The following EPHA5 variants were observed in gnomAD, a reference collection of about 807,000 sequenced individuals.
EPHA5 encodes the protein EPH receptor A5, also known as ephrin type-A receptor 5.
In EPHA5, 60 loss-of-function variants were observed where a neutral mutation model predicts 105.0. That is an observed-to-expected ratio of 0.57 (90% CI 0.46 to 0.71). EPHA5 has a LOEUF of 0.71. EPHA5 is among the 30% of genes least tolerant of loss of function. The pLI is 0.00. For missense variants in EPHA5, 1,218 were observed against 1,274.7 expected, an observed-to-expected ratio of 0.96 and a Z score of 0.68; for synonymous variants, 513 against 449.1, an observed-to-expected ratio of 1.14 and a Z score of -1.80.
intron 2 of EPHA5, among the ~76,000 whole-genome samples, chr4:65,620,513 A>G (rs1157860064): frequency 6.6e-6 from 1 of 152,182 alleles, no homozygotes; most frequent in Non-Finnish European, 1.5e-5. Flanking sequence ...GGGGAAATAT[A>G]CATATACATA....
intron 4 of EPHA5, 69 bp downstream of exon 4, chr4:65,495,319 G>C: frequency 6.8e-7 from 1 of 1,472,710 alleles, no homozygotes; most frequent in East Asian, 2.3e-5. Context: ...GACTATAACA[G>C]GCTCCATCAT....
At chr4:65,536,754 A>T (rs1736329114) in intron 3 of EPHA5, among the ~76,000 whole-genome samples, 1 of 151,638 alleles carries the variant, frequency 6.6e-6, no homozygotes, top group Non-Finnish European at 1.5e-5. Flanking sequence ...AAATATAAAA[A>T]AAAAAAAATT....
In EPHA5 at chr4:65,511,598, G is replaced by A. The variant is rs548702701; in HGVS notation, c.911-16055C>T. On this transcript the variant is annotated intron_variant, in intron 3 of 16. Coordinates refer to ENST00000613740, the MANE Select transcript of EPHA5 (RefSeq NM_001281766.3). Reference sequence around the variant, plus strand: ...TTTGACACTCTGAATCCTTTAATATGTGTTTACTCTATAACCCCAATTCTA... The same window carrying A: ...TTTGACACTCTGAATCCTTTAATATATGTTTACTCTATAACCCCAATTCTA... Among the ~76,000 whole-genome samples the A allele has an allele frequency of 8.1e-4, 123 of 152,212 alleles. 1 individual carries two copies. Among genetic ancestry groups the A allele is most frequent in the African/African-American group, 2.6e-3 (110 of 41,556 alleles).
At chr4:65,409,369 A>G (rs977037878) in intron 7 of EPHA5, among the ~76,000 whole-genome samples, 1 of 150,212 alleles carries the variant, frequency 6.7e-6, no homozygotes, top group African/African-American at 2.4e-5. Flanking sequence ...AAATAAATAA[A>G]TAAAAGAGCT....
At position 65,429,139 on chromosome 4, in the gene EPHA5, A is replaced by G. The variant is rs189385890; in HGVS notation, c.1403-8574T>C. ...AACCACAATCCCCATTTTACAAGAA[A>G]CAGAATTCAAATAATTTTTACAGTA... is the stretch of plus-strand genomic sequence containing the variant. On this transcript the variant is annotated intron_variant, in intron 5 of 16. Transcript: ENST00000613740. 3.0e-4 allele frequency among the ~76,000 whole-genome samples: 45 copies of G among 152,176 alleles called. No individual in the cohort carries two copies. The East Asian group carries it at 7.3e-3, about 25-fold the overall frequency.
At chr4:65,592,013 C>T (rs1388347493) in intron 3 of EPHA5, among the ~76,000 whole-genome samples, 1 of 152,040 alleles carries the variant, frequency 6.6e-6, no homozygotes, top group African/African-American at 2.4e-5. Flanking sequence ...TATCAGTCCA[C>T]AGTAATTTTT....
chr4:65,540,652 T>A (rs1736729327), intron 3 of EPHA5, among the ~76,000 whole-genome samples: 1 of 151,408 alleles, frequency 6.6e-6, no homozygotes, highest in African/African-American at 2.4e-5. Context: ...CAAACAATTA[T>A]TAAAATACTG....
At chr4:65,343,953 C>T (rs950605802) in intron 14 of EPHA5, among the ~76,000 whole-genome samples, 73 of 151,676 alleles carry the variant, frequency 4.8e-4, no homozygotes, top group African/African-American at 1.6e-3. Context: ...AGTATCAAGA[C>T]ACTCAAATAG....
intron 2 of EPHA5, among the ~76,000 whole-genome samples, chr4:65,643,040 A>G (rs1747804435): frequency 6.6e-6 from 1 of 152,030 alleles, no homozygotes; most frequent in Admixed American, 6.6e-5. Flanking sequence ...AAATACTTTT[A>G]TCTTTAATAT....
intron 3 of EPHA5, among the ~76,000 whole-genome samples, chr4:65,515,484 A>C (rs573343972): frequency 6.6e-6 from 1 of 152,094 alleles, no homozygotes; most frequent in South Asian, 2.1e-4. Flanking sequence ...AAGATACATG[A>C]CTCCTCTATT....
At chr4:65,355,679 C>G (rs1460407061) in intron 11 of EPHA5, among the ~76,000 whole-genome samples, 6 of 151,578 alleles carry the variant, frequency 4.0e-5, no homozygotes, top group Admixed American at 2.6e-4. Flanking sequence ...GCTGAGGTAT[C>G]CTGGATCACC....
chr4:65,620,964 G>T (rs993444779), intron 2 of EPHA5, among the ~76,000 whole-genome samples: 1 of 152,132 alleles, frequency 6.6e-6, no homozygotes, highest in African/African-American at 2.4e-5. Context: ...ATTCAGAGTT[G>T]CATGCTTCAA....
chr4:65,526,617 G>T (rs879488410), intron 3 of EPHA5, among the ~76,000 whole-genome samples: 3 of 151,818 alleles, frequency 2.0e-5, no homozygotes, highest in Admixed American at 2.0e-4. Context: ...AATTTCCATT[G>T]TTTGTTATAG....
intron 5 of EPHA5, among the ~76,000 whole-genome samples, chr4:65,427,709 A>G (rs561747302): frequency 6.6e-6 from 1 of 152,334 alleles, no homozygotes; most frequent in African/African-American, 2.4e-5. Flanking sequence ...CCAGAGAAAC[A>G]TGGGAAATTA....
intron 3 of EPHA5, among the ~76,000 whole-genome samples, chr4:65,554,773 A>G (rs1036326440): frequency 5.9e-5 from 9 of 151,786 alleles, no homozygotes; most frequent in African/African-American, 2.2e-4. Flanking sequence ...TATTTTTCAT[A>G]AAGTAAATAT....
intron 5 of EPHA5, among the ~76,000 whole-genome samples, chr4:65,487,997 G>A (rs1365204620): frequency 6.6e-6 from 1 of 152,158 alleles, no homozygotes; most frequent in Non-Finnish European, 1.5e-5. Context: ...TTATTTTGAT[G>A]TTTTGGGTAG....
intron 7 of EPHA5, among the ~76,000 whole-genome samples, chr4:65,412,484 A>G (rs1378917779): frequency 1.3e-5 from 2 of 152,166 alleles, no homozygotes; most frequent in Non-Finnish European, 2.9e-5. Flanking sequence ...GATACTCTCT[A>G]CAAATAATAC....
chr4:65,620,300 G>C (rs949527074), intron 2 of EPHA5, among the ~76,000 whole-genome samples: 25 of 151,986 alleles, frequency 1.6e-4, no homozygotes, highest in Non-Finnish European at 5.9e-5. Context: ...TTGGAGCTAT[G>C]ATCTGCCAGC....
At chr4:65,520,849 T>G (rs1578322526) in intron 3 of EPHA5, among the ~76,000 whole-genome samples, 1 of 152,074 alleles carries the variant, frequency 6.6e-6, no homozygotes, top group African/African-American at 2.4e-5. Flanking sequence ...TAGTTAGAAT[T>G]GCAATCATTA....
Sources: gnomAD v4.1 joint callset for allele counts (sites outside exome capture counted in the v4.1 genomes callset) on GRCh38, gnomAD v4.1.1 for gene constraint, MANE v1.5 for transcripts, NCBI Gene and HGNC (gene_info 2026-07-23, HGNC 2026-07-21) for gene names.